AKAP13: variants seen among roughly 807,000 people sequenced by gnomAD.
The protein encoded by AKAP13 is A-kinase anchoring protein 13.
In AKAP13, 80 loss-of-function variants were observed where a neutral mutation model predicts 264.5. The observed-to-expected ratio is 0.30, with a 90% CI of 0.25 to 0.36. The LOEUF (loss-of-function observed/expected upper bound fraction) is 0.36. AKAP13 is among the 10% of genes least tolerant of loss of function. AKAP13 has a pLI of 1.00. For missense variants in AKAP13, 3,712 were observed against 3,435.2 expected (o/e 1.08, Z -2.01); for synonymous variants, 1,380 against 1,250.2 (o/e 1.10, Z -2.19).
chr15:85,570,289 A>T (rs1050694824), intron 5 of AKAP13, among the ~76,000 whole-genome samples: 4 of 151,948 alleles, frequency 2.6e-5, no homozygotes, highest in Non-Finnish European at 4.4e-5. Flanking sequence ...CATCTCTACT[A>T]AAAATAGAAA....
At chr15:85,386,192 G>GT (rs975076796) in intron 1 of AKAP13, among the ~76,000 whole-genome samples, 10 of 151,822 alleles carry the variant, frequency 6.6e-5, no homozygotes, top group Middle Eastern at 6.8e-3. Context: ...GTGTTTTTTT[G>GT]TTTTTTTGTT....
chr15:85,459,542 C>T (rs935581120), intron 1 of AKAP13, among the ~76,000 whole-genome samples: 1 of 151,810 alleles, frequency 6.6e-6, no homozygotes, highest in African/African-American at 2.4e-5. Context: ...CTCTGTCGCC[C>T]AGGCTGGAGT....
chr15:85,717,430 A>G lies in AKAP13; in HGVS notation c.5848+28A>G, dbSNP rs915811504. On this transcript the variant is annotated intron_variant, in intron 21 of 36. Coordinates refer to ENST00000394518, the MANE Select transcript of AKAP13 (RefSeq NM_007200.5). ...AAGAGGAAGTTATGGCCTTTATTTT[A>G]TGCCTCTGTAGGGACTGTGTGTGTG... The G allele has an allele frequency of 3.3e-6, 5 of 1,502,950 alleles. No individual in the cohort carries two copies. The African/African-American group carries it at 5.5e-5, about 17-fold the overall frequency. 93.1% of individuals were successfully genotyped at this position (1,502,950 alleles called of 1,614,324 possible).
At chr15:85,586,518 A>C (rs1015041138) in intron 8 of AKAP13, among the ~76,000 whole-genome samples, 1 of 152,234 alleles carries the variant, frequency 6.6e-6, no homozygotes, top group Middle Eastern at 3.4e-3. Flanking sequence ...AACCCTTCTT[A>C]AACCTGACTC....
At chr15:85,540,901 A>G (rs1596475081) in intron 4 of AKAP13, among the ~76,000 whole-genome samples, 2 of 152,376 alleles carry the variant, frequency 1.3e-5, no homozygotes, top group East Asian at 3.9e-4. Flanking sequence ...AATGTAGATG[A>G]ATCTCAAACA....
intron 2 of AKAP13, among the ~76,000 whole-genome samples, chr15:85,509,752 A>G (rs925123885): frequency 6.6e-6 from 1 of 152,244 alleles, no homozygotes; most frequent in African/African-American, 2.4e-5. Context: ...TCACAAAGTT[A>G]GAAATACAAG....
At chr15:85,673,045 T>A (rs1202993109) in intron 14 of AKAP13, among the ~76,000 whole-genome samples, 5 of 152,234 alleles carry the variant, frequency 3.3e-5, no homozygotes, top group Non-Finnish European at 7.3e-5. Flanking sequence ...AAAGAAATTA[T>A]TAGTTTCCTC....
intron 4 of AKAP13, among the ~76,000 whole-genome samples, chr15:85,541,040 G>T (rs2077566551): frequency 6.6e-6 from 1 of 152,200 alleles, no homozygotes; most frequent in Non-Finnish European, 1.5e-5. Context: ...AGGAGGAGAG[G>T]ATTAACTGGA....
chr15:85,635,068 ATTC>A (rs1423817505), intron 8 of AKAP13: 2 of 398,034 alleles, frequency 5.0e-6, no homozygotes, highest in South Asian at 1.3e-4. Flanking sequence ...GTAGGTTTTG[ATTC>A]TTCTTCGGTA....
Position 85,744,723 on chromosome 15 carries a change from C to A in AKAP13, c.*46C>A. On this transcript the variant is annotated 3_prime_UTR_variant, in exon 37 of 37. Transcript: ENST00000394518. ...GCAGCTGCCTCCTGATCCTGGCCAG[C>A]CCACCTCTCCTGCTGTCCCCGCGTG... The A allele has an allele frequency of 6.5e-6, 10 of 1,537,996 alleles. No homozygotes were observed. Among genetic ancestry groups the A allele is most frequent in the Non-Finnish European group, 8.8e-6 (10 of 1,136,896 alleles).
At chr15:85,601,507 A>C (rs999082410) in intron 8 of AKAP13, among the ~76,000 whole-genome samples, 4 of 152,072 alleles carry the variant, frequency 2.6e-5, no homozygotes, top group Non-Finnish European at 4.4e-5. Flanking sequence ...TTTCCCCCAA[A>C]ATAAGAAAAG....
chr15:85,495,462 C>T (rs1220955152), intron 2 of AKAP13, among the ~76,000 whole-genome samples: 1 of 152,126 alleles, frequency 6.6e-6, no homozygotes, highest in Non-Finnish European at 1.5e-5. Flanking sequence ...GGGTGCATAT[C>T]TCAGATTCTT....
intron 10 of AKAP13, among the ~76,000 whole-genome samples, chr15:85,648,917 C>T (rs1290168420): frequency 2.0e-5 from 3 of 152,312 alleles, no homozygotes; most frequent in East Asian, 1.9e-4. Context: ...TTCACTTTCA[C>T]CTCCTCATGC....
chr15:85,721,442 T>G (rs1218530783), intron 23 of AKAP13, among the ~76,000 whole-genome samples: 6 of 152,230 alleles, frequency 3.9e-5, no homozygotes, highest in Admixed American at 6.5e-5. Flanking sequence ...ATTCATTGAT[T>G]TAGTGCAAAG....
chr15:85,485,904 T>G, intron 2 of AKAP13, 151 bp downstream of exon 2: 2 of 671,270 alleles, frequency 3.0e-6, no homozygotes, highest in South Asian at 3.8e-5. Flanking sequence ...AGAAATTGAG[T>G]TTGATTTAGT....
chr15:85,729,313 CAA>C (rs200239291), intron 29 of AKAP13, among the ~76,000 whole-genome samples: 4 of 149,826 alleles, frequency 2.7e-5, no homozygotes, highest in African/African-American at 9.8e-5. Flanking sequence ...GACTCTGTCT[CAA>C]AAAAAAAGAG....
intron 2 of AKAP13, among the ~76,000 whole-genome samples, chr15:85,518,078 G>A (rs2076673686): frequency 1.3e-5 from 2 of 152,194 alleles, no homozygotes; most frequent in Non-Finnish European, 2.9e-5. Context: ...CTTGTTCACT[G>A]TGTAGCCAGA....
chr15:85,629,845 T>A (rs2081619880), intron 8 of AKAP13, among the ~76,000 whole-genome samples: 1 of 137,794 alleles, frequency 7.3e-6, no homozygotes, highest in African/African-American at 2.7e-5. Flanking sequence ...AGCAGTGCTG[T>A]CTTGGCTCAC....
intron 5 of AKAP13, among the ~76,000 whole-genome samples, chr15:85,559,510 A>T (rs1422123679): frequency 6.6e-6 from 1 of 152,172 alleles, no homozygotes; most frequent in Non-Finnish European, 1.5e-5. Flanking sequence ...TAATGAAATA[A>T]TTATACAACT....
Sources: gnomAD v4.1 joint callset for allele counts (sites outside exome capture counted in the v4.1 genomes callset) on GRCh38, gnomAD v4.1.1 for gene constraint, MANE v1.5 for transcripts, NCBI Gene and HGNC (gene_info 2026-07-23, HGNC 2026-07-21) for gene names.